Variants in TMCO5A observed in about 807,000 individuals in gnomAD.
TMCO5A encodes transmembrane and coiled-coil domains 5A.
A neutral mutation model predicts 42.3 loss-of-function variants in TMCO5A; 34 were observed. The observed-to-expected ratio is 0.80, with a 90% CI of 0.61 to 1.07. TMCO5A has a LOEUF of 1.07. Ranked by LOEUF, TMCO5A falls within the 50% of genes least tolerant of loss-of-function variation. The pLI, the probability that TMCO5A is intolerant of heterozygous loss-of-function variation, is 0.00. For synonymous variants in TMCO5A, 131 were observed against 115.6 expected (o/e 1.13, Z -0.86); for missense variants, 357 against 327.9 (o/e 1.09, Z -0.69).
chr15:37,980,192 G>A, the TMCO5A span, among the ~76,000 whole-genome samples: 1 of 151,750 alleles, frequency 6.6e-6, no homozygotes, highest in Non-Finnish European at 1.5e-5. Flanking sequence ...GGCTGGTGGG[G>A]TGCAGTGGAG....
intron 11 of TMCO5A, 64 bp downstream of exon 11, chr15:37,947,760 A>G: frequency 8.9e-7 from 1 of 1,117,326 alleles, no homozygotes. Flanking sequence ...CTATTCGGGC[A>G]GAGGGAAAAG....
the TMCO5A span, among the ~76,000 whole-genome samples, chr15:38,018,840 CACA>C: frequency 6.6e-6 from 1 of 151,240 alleles, no homozygotes; most frequent in Non-Finnish European, 1.5e-5. Flanking sequence ...TCCAGAGAAA[CACA>C]ACAATTTATG....
At chr15:37,959,358 G>A (rs1364818103) in intron 11 of TMCO5A, among the ~76,000 whole-genome samples, 1 of 151,826 alleles carries the variant, frequency 6.6e-6, no homozygotes, top group Non-Finnish European at 1.5e-5. Context: ...CATTCTGTAA[G>A]GTCAATATTA....
chr15:38,003,903 C>T, the TMCO5A span, among the ~76,000 whole-genome samples: 2 of 152,266 alleles, frequency 1.3e-5, no homozygotes, highest in South Asian at 4.1e-4. Flanking sequence ...CTGAGTAGAG[C>T]TGGTGGTACC....
At chr15:38,033,608 GT>G in the TMCO5A span, among the ~76,000 whole-genome samples, 2 of 150,650 alleles carry the variant, frequency 1.3e-5, no homozygotes, top group Non-Finnish European at 2.9e-5. Flanking sequence ...GTTTGTTTGG[GT>G]TTTTTTGTTT....
At chr15:37,962,964 A>C (rs1890468504) in intron 11 of TMCO5A, among the ~76,000 whole-genome samples, 1 of 151,888 alleles carries the variant, frequency 6.6e-6, no homozygotes, top group Admixed American at 6.6e-5. Flanking sequence ...ATGAGCTATC[A>C]ATTTTATCTC....
chr15:38,014,909 A>C, the TMCO5A span, among the ~76,000 whole-genome samples: 1 of 121,398 alleles, frequency 8.2e-6, no homozygotes, highest in Non-Finnish European at 1.7e-5. Context: ...GAGTTTATGA[A>C]GTATTAACTT....
At chr15:37,942,429 C>T (rs1173866110) in intron 9 of TMCO5A, 174 bp downstream of exon 9, 27 of 576,226 alleles carry the variant, frequency 4.7e-5, no homozygotes, top group Non-Finnish European at 7.7e-5. Flanking sequence ...CAACTTAAAA[C>T]TTCCAGTCAT....
chr15:37,984,728 C>T, the TMCO5A span: 5 of 133,746 alleles, frequency 3.7e-5, no homozygotes, highest in African/African-American at 1.4e-4. Flanking sequence ...CACTCTTCCA[C>T]CTTGTGAGGA....
intron 10 of TMCO5A, 85 bp from the exon 11 acceptor site, chr15:37,947,571 A>G (rs111501347): frequency 3.2e-5 from 28 of 886,730 alleles, no homozygotes; most frequent in African/African-American, 2.7e-4. Context: ...TAAATAACAT[A>G]TAACTAATGG....
chr15:38,017,918 G>A, the TMCO5A span, among the ~76,000 whole-genome samples: 1 of 152,256 alleles, frequency 6.6e-6, no homozygotes, highest in Non-Finnish European at 1.5e-5. Flanking sequence ...CTGGTTGTTT[G>A]AAAGCGTGTG....
chr15:38,020,118 G>T, the TMCO5A span: 1 of 152,010 alleles, frequency 6.6e-6, no homozygotes, highest in African/African-American at 2.4e-5. Flanking sequence ...TCAGCCTCTG[G>T]AGTAGGTAGG....
Position 37,941,128 on chromosome 15 carries a change from AG to A in TMCO5A, c.388-20del, listed in dbSNP as rs1566915494. On this transcript the variant is annotated intron_variant, in intron 6 of 11. Transcript: ENST00000319669. ...ACAGCTTTTACCTTGCCAAGTTAGC[AG>A]TCTCTTTTGCTTTCTTTAGGTTAAG... The A allele has an allele frequency of 3.1e-6, 5 of 1,612,488 alleles. No individual in the cohort carries two copies. The highest frequency in any genetic ancestry group is 4.2e-6 in the Non-Finnish European group (5 of 1,179,030).
chr15:38,019,966 T>G, the TMCO5A span, among the ~76,000 whole-genome samples: 5 of 145,590 alleles, frequency 3.4e-5, no homozygotes, highest in East Asian at 2.0e-4. Flanking sequence ...CATCAGAGGT[T>G]TTTTTTTTTG....
rs546086731 is a variant in TMCO5A at position 37,949,951 on chromosome 15, A to T, written c.669-1085A>T. ...AGAAGTTATATTTCCAAGGTAACTA[A>T]CTCACACATCTGGCAAGCTTTTTCT... On this transcript the variant is annotated intron_variant, in intron 11 of 11. Coordinates refer to ENST00000319669, the MANE Select transcript of TMCO5A (RefSeq NM_152453.4). Among the ~76,000 whole-genome samples, 6 of 152,286 alleles carry T rather than the reference A, an allele frequency of 3.9e-5. No individual in the cohort carries two copies. The South Asian group carries it at 1.2e-3, about 32-fold the overall frequency.
At chr15:37,935,852 C>G (rs978951794) in intron 2 of TMCO5A, among the ~76,000 whole-genome samples, 1 of 152,094 alleles carries the variant, frequency 6.6e-6, no homozygotes, top group Non-Finnish European at 1.5e-5. Flanking sequence ...GATTGAAGCC[C>G]TATCATGCTG....
chr15:37,960,033 TG>T (rs1014015045), intron 11 of TMCO5A, among the ~76,000 whole-genome samples: 2 of 151,984 alleles, frequency 1.3e-5, no homozygotes, highest in African/African-American at 4.8e-5. Flanking sequence ...TATAAGTTAT[TG>T]GGGTACAGTT....
the TMCO5A span, among the ~76,000 whole-genome samples, chr15:37,996,877 CCT>C: frequency 6.6e-6 from 1 of 152,302 alleles, no homozygotes; most frequent in Admixed American, 6.5e-5. Context: ...CAAACATCCC[CCT>C]GTGGCCCTTT....
chr15:37,990,809 T>C, the TMCO5A span, among the ~76,000 whole-genome samples: 4 of 152,064 alleles, frequency 2.6e-5, no homozygotes, highest in African/African-American at 9.7e-5. Context: ...TTTTTATGAT[T>C]ACTATGGGGA....
Sources: allele counts gnomAD v4.1 joint callset (sites outside exome capture counted in the v4.1 genomes callset), GRCh38; gene constraint gnomAD v4.1.1; transcripts MANE v1.5; gene names NCBI Gene and HGNC (gene_info 2026-07-23, HGNC 2026-07-21).